The following STK3 variants were observed in gnomAD, a reference collection of about 807,000 sequenced individuals.
STK3 encodes serine/threonine kinase 3.
Under a neutral mutation model 58.0 loss-of-function variants are expected in STK3, and 41 were observed. The ratio of observed to expected loss-of-function variants is 0.71; its 90% CI spans 0.55 to 0.92. The LOEUF is 0.92. Among genes scored for constraint, STK3 ranks in the 40% least tolerant of loss-of-function variants. The pLI, the probability that STK3 is intolerant of heterozygous loss-of-function variation, is 0.00. For missense variants in STK3, 479 were observed against 602.7 expected (o/e 0.79, Z 2.15); for synonymous variants, 170 against 191.0 (o/e 0.89, Z 0.91).
chr8:98,376,219 A>G (rs1490526433), intron 2 of STK3, among the ~76,000 whole-genome samples: 1 of 152,032 alleles, frequency 6.6e-6, no homozygotes, highest in African/African-American at 2.4e-5. Flanking sequence ...TTTTATTTCC[A>G]CTTTGGTGAA....
At position 98,800,895 on chromosome 8, in the gene STK3, C is replaced by T. The variant is rs913298399; in HGVS notation, c.26+24620G>A. 5.9e-5 allele frequency among the ~76,000 whole-genome samples: 9 copies of T among 152,234 alleles called. No homozygotes were observed. Among genetic ancestry groups the T allele is most frequent in the Non-Finnish European group, 1.0e-4 (7 of 68,040 alleles). ...CCACCAAGGTGGGCTCCCGTGCAGC[C>T]GGAGCCTCCCCAACAGGCGCTGGCC... On this transcript the variant is annotated intron_variant, in intron 1 of 10. Coordinates refer to ENST00000419617, the MANE Select transcript of STK3 (RefSeq NM_006281.4). The surrounding 1 kb of genome is among the most constrained non-coding windows in gnomAD (Gnocchi z 4.8).
chr8:98,711,458 A>C (rs1386644306), intron 4 of STK3, among the ~76,000 whole-genome samples: 1 of 152,224 alleles, frequency 6.6e-6, no homozygotes, highest in African/African-American at 2.4e-5. Flanking sequence ...TGGAGCTGAA[A>C]ACCAAGGCAC....
chr8:98,539,732 A>G (rs1198351842), intron 9 of STK3, among the ~76,000 whole-genome samples: 1 of 152,162 alleles, frequency 6.6e-6, no homozygotes, highest in Admixed American at 6.5e-5. Context: ...CAACCTAAAC[A>G]TAACCGGTTA....
At chr8:98,499,029 T>G (rs1823372107) in intron 10 of STK3, among the ~76,000 whole-genome samples, 1 of 152,166 alleles carries the variant, frequency 6.6e-6, no homozygotes, top group Non-Finnish European at 1.5e-5. Flanking sequence ...GGGCCCTAAA[T>G]GCAATCATAA....
At chr8:98,675,235 A>G (rs1030075719) in intron 6 of STK3, among the ~76,000 whole-genome samples, 3 of 152,220 alleles carry the variant, frequency 2.0e-5, no homozygotes, top group African/African-American at 7.2e-5. Context: ...ACTACACTAT[A>G]TATGAGAAAG....
chr8:98,881,690 A>G (rs913053299), downstream of STK3: 3 of 152,218 alleles, frequency 2.0e-5, no homozygotes, highest in African/African-American at 7.2e-5. Flanking sequence ...AACTGCTCTA[A>G]AAAACAGTCT....
intron 3 of STK3, among the ~76,000 whole-genome samples, chr8:98,831,716 G>A (rs1835540019): frequency 6.6e-6 from 1 of 152,168 alleles, no homozygotes; most frequent in South Asian, 2.1e-4. Context: ...TCCTTCAAGA[G>A]GTAACTTTAC....
intron 6 of STK3, among the ~76,000 whole-genome samples, chr8:98,643,976 C>T (rs1820212880): frequency 6.6e-6 from 1 of 152,112 alleles, no homozygotes; most frequent in Non-Finnish European, 1.5e-5. Flanking sequence ...GATCACACCA[C>T]TGCACTCCAG....
chr8:98,381,787 C>T (rs539936198), intron 1 of STK3, among the ~76,000 whole-genome samples: 41 of 152,342 alleles, frequency 2.7e-4, no homozygotes, highest in African/African-American at 9.6e-4. Flanking sequence ...CCAGTGCTCC[C>T]TGCCCTCTAC....
At chr8:98,556,202 G>A (rs1057292673) in intron 8 of STK3, among the ~76,000 whole-genome samples, 1 of 151,954 alleles carries the variant, frequency 6.6e-6, no homozygotes, top group Non-Finnish European at 1.5e-5. Flanking sequence ...TCACTCACAC[G>A]CTCTAGGGGA....
intron 1 of STK3, among the ~76,000 whole-genome samples, chr8:98,794,478 G>A (rs932099678): frequency 2.6e-5 from 4 of 152,210 alleles, no homozygotes; most frequent in Admixed American, 2.6e-4. Flanking sequence ...GGAAGAAATA[G>A]AAACCCTGAG....
chr8:98,865,368 T>C (rs944096397), intron 3 of STK3, among the ~76,000 whole-genome samples: 2 of 152,160 alleles, frequency 1.3e-5, no homozygotes, highest in Middle Eastern at 3.2e-3. Flanking sequence ...TTATGCCATA[T>C]AGTTTACTAC....
chr8:98,696,829 G>A (rs1824991363), intron 6 of STK3, among the ~76,000 whole-genome samples: 1 of 152,110 alleles, frequency 6.6e-6, no homozygotes, highest in Non-Finnish European at 1.5e-5. Flanking sequence ...TTTTTTGGTT[G>A]TGTCTCTGTC....
intron 10 of STK3, among the ~76,000 whole-genome samples, chr8:98,485,937 G>T (rs1374244674): frequency 2.0e-5 from 3 of 152,220 alleles, no homozygotes; most frequent in African/African-American, 7.2e-5. Flanking sequence ...GAAAAGAACA[G>T]TTAGGCAGAG....
At chr8:98,805,806 A>G (rs1215664545) in intron 1 of STK3, among the ~76,000 whole-genome samples, 5 of 152,090 alleles carry the variant, frequency 3.3e-5, no homozygotes, top group Non-Finnish European at 1.5e-5. Flanking sequence ...CCCTACCTCT[A>G]TATCACCATT....
At chr8:98,825,458 C>G (rs1835196376) in intron 1 of STK3, 57 bp downstream of exon 1, 1 of 1,427,276 alleles carries the variant, frequency 7.0e-7, no homozygotes, top group African/African-American at 1.5e-5. Context: ...CTAGCCACCC[C>G]CGCCCCGCGG....
intron 4 of STK3, among the ~76,000 whole-genome samples, chr8:98,712,409 C>T (rs56901937): frequency 0.023 from 3,552 of 152,046 alleles, 128 homozygotes; most frequent in African/African-American, 0.08. Context: ...CAGAGACACA[C>T]ATAGGCTCAA....
At chr8:98,351,855 G>A in the STK3 span, among the ~76,000 whole-genome samples, 221 of 152,286 alleles carry the variant, frequency 1.5e-3, 2 homozygotes, top group African/African-American at 5.1e-3. Flanking sequence ...CAGCAAGGAA[G>A]CTATTAAAGA....
chr8:98,569,028 T>C (rs1218907096), intron 8 of STK3, among the ~76,000 whole-genome samples: 1 of 152,126 alleles, frequency 6.6e-6, no homozygotes, highest in Non-Finnish European at 1.5e-5. Context: ...ACAGGGACAA[T>C]GCAAAGATCC....
Sources: gnomAD v4.1 joint callset for allele counts (sites outside exome capture counted in the v4.1 genomes callset) on GRCh38, gnomAD v4.1.1 for gene constraint, Gnocchi (gnomAD v3.1) non-coding constraint, MANE v1.5 for transcripts, NCBI Gene and HGNC (gene_info 2026-07-23, HGNC 2026-07-21) for gene names.